The following COLEC11 variants were observed in gnomAD, a reference collection of about 807,000 sequenced individuals.
The protein encoded by COLEC11 is collectin subfamily member 11, also known as collectin-11.
COLEC11 carries 20 observed loss-of-function variants against 27.3 expected under a neutral mutation model. That is an observed-to-expected ratio of 0.73 (90% CI 0.51 to 1.06). COLEC11 has a LOEUF of 1.06. COLEC11 is among the 50% of genes least tolerant of loss of function. The probability of loss-of-function intolerance (pLI) is 0.00; values close to 1 mark genes in which losing one functional copy is unlikely to be tolerated. For missense variants in COLEC11, 310 were observed against 383.0 expected, an observed-to-expected ratio of 0.81 and a Z score of 1.59; for synonymous variants, 163 against 154.7, an observed-to-expected ratio of 1.05 and a Z score of -0.40.
intron 3 of COLEC11, chr2:3,626,201 A>T: frequency 1.0e-6 from 1 of 953,010 alleles, no homozygotes; most frequent in Non-Finnish European, 1.7e-6. Context: ...CTGGAGCAGA[A>T]GCCCCATTTC....
At chr2:3,604,124 G>A (rs933048222) in intron 1 of COLEC11, 191 bp from the exon 2 acceptor site, 2 of 650,946 alleles carry the variant, frequency 3.1e-6, no homozygotes, top group South Asian at 3.6e-5. Flanking sequence ...TGACCCTGGG[G>A]CTGCTGTGGA....
At chr2:3,603,761 G>A (rs72767190) in intron 1 of COLEC11, 13,052 of 1,218,816 alleles carry the variant, frequency 0.011, 111 homozygotes, top group Non-Finnish European at 0.012. Context: ...GGTTCCTAAG[G>A]CCGGGGCTCC....
intron 3 of COLEC11, among the ~76,000 whole-genome samples, chr2:3,626,996 T>G (rs1205992249): frequency 6.6e-6 from 1 of 152,180 alleles, no homozygotes; most frequent in African/African-American, 2.4e-5. Flanking sequence ...CCTGGCCCAC[T>G]GGCTCTTCTG....
At position 3,644,090 on chromosome 2, in the gene COLEC11, T is replaced by C; in HGVS notation, c.788T>C (p.Met263Thr). 6 of 1,613,076 alleles carry C rather than the reference T, an allele frequency of 3.7e-6. No homozygotes were observed. The highest frequency in any genetic ancestry group is 5.1e-6 in the Non-Finnish European group (6 of 1,180,028). ...GCCTGCCACACCACCATGTACTTCA[T>C]GTGTGAGTTTGACAAGGAGAACATG... ...DVACHTTMYF[M>T]CEFDKENM The change falls in exon 7 of 7, where the codon ATG (methionine) becomes ACG (threonine). Residue 263 changes from methionine (M) to threonine (T), a missense_variant. Transcript: ENST00000349077.
In COLEC11 at chr2:3,643,436, C is replaced by G; in HGVS notation, c.329-8C>G. ...AGCGTTTGTAACGCGTGGGCCTGGC[C>G]CCCGCAGGCCTCCCATGTGAGTGCA... is the stretch of plus-strand genomic sequence containing the variant. On this transcript the variant is annotated splice_polypyrimidine_tract_variant and splice_region_variant and intron_variant, in intron 5 of 6. Coordinates refer to ENST00000349077, the MANE Select transcript of COLEC11 (RefSeq NM_024027.5). 2.5e-6 allele frequency: 4 copies of G among 1,612,004 alleles called. No individual in the cohort carries two copies. The highest frequency in any genetic ancestry group is 2.5e-6 in the Non-Finnish European group (3 of 1,178,542).
At chr2:3,631,963 C>G (rs1390725738) in intron 3 of COLEC11, among the ~76,000 whole-genome samples, 1 of 152,192 alleles carries the variant, frequency 6.6e-6, no homozygotes, top group Admixed American at 6.5e-5. Flanking sequence ...GTGGAAGTCT[C>G]ACAGGCTGGG....
Position 3,613,364 on chromosome 2 carries a change from G to A in COLEC11, c.184G>A (p.Gly62Ser), listed in dbSNP as rs1196317336. The stretch of plus-strand genomic sequence containing the variant: ...CGCCCCCGGACGGCCTGGAAGAGTC[G>A]GCCCCACGGGAGAAAAAGGTACCTG... The part of the protein sequence containing the change: ...KGAPGRPGRV[G>S]PTGEKGDMGD... The change falls in exon 3 of 7, where the codon GGC becomes AGC. Residue 62 changes from glycine (G) to serine (S), a missense_variant. Transcript: ENST00000349077. 3.7e-6 allele frequency: 6 copies of A among 1,603,516 alleles called. No individual in the cohort carries two copies. The highest frequency in any genetic ancestry group is 1.3e-5 in the African/African-American group (1 of 74,924).
intron 1 of COLEC11, chr2:3,603,812 T>A (rs1032168435): frequency 1.4e-6 from 1 of 723,610 alleles, no homozygotes; most frequent in African/African-American, 1.8e-5. Flanking sequence ...CAGGTGCCTG[T>A]CTCCTGCCAC....
chr2:3,597,101 G>C (rs1572373131), intron 1 of COLEC11, among the ~76,000 whole-genome samples: 1 of 152,278 alleles, frequency 6.6e-6, no homozygotes, highest in East Asian at 1.9e-4. Flanking sequence ...GGGCTGTTCC[G>C]GGGATCAGTG....
chr2:3,615,904 C>T (rs1182483191), intron 3 of COLEC11, among the ~76,000 whole-genome samples: 3 of 136,614 alleles, frequency 2.2e-5, no homozygotes, highest in Non-Finnish European at 4.8e-5. Flanking sequence ...GGGGGCTGCC[C>T]CCCACCTCCC....
At chr2:3,611,518 G>A (rs775373476) in intron 2 of COLEC11, among the ~76,000 whole-genome samples, 6 of 152,116 alleles carry the variant, frequency 3.9e-5, no homozygotes, top group South Asian at 2.1e-4. Context: ...TTAATGCTGA[G>A]TTTATCTTGT....
intron 1 of COLEC11, chr2:3,603,691 G>A: frequency 6.4e-7 from 1 of 1,550,612 alleles, no homozygotes; most frequent in Non-Finnish European, 8.7e-7. Flanking sequence ...TCCTGGGATG[G>A]TCAGATGTCC....
rs1028472828 is a variant in COLEC11 at position 3,628,253 on chromosome 2, G to A, written c.203-9280G>A. On this transcript the variant is annotated intron_variant, in intron 3 of 6. Coordinates refer to ENST00000349077, the MANE Select transcript of COLEC11 (RefSeq NM_024027.5). ...TCATCCTCCCTTCCCCAGGTGAAGC[G>A]GCTGCCCCGCAGGGTTCTAGAGAGC... Among the ~76,000 whole-genome samples the A allele has an allele frequency of 4.6e-5, 7 of 152,356 alleles. No homozygotes were observed. The South Asian group carries it at 6.2e-4, about 14-fold the overall frequency.
chr2:3,641,103 C>T (rs1256857937), intron 5 of COLEC11: 8 of 475,574 alleles, frequency 1.7e-5, no homozygotes, highest in Non-Finnish European at 2.8e-5. Flanking sequence ...GTAGACCCCA[C>T]GGTGGACACC....
intron 2 of COLEC11, among the ~76,000 whole-genome samples, chr2:3,604,701 C>G: frequency 6.6e-6 from 1 of 152,320 alleles, no homozygotes; most frequent in Middle Eastern, 3.4e-3. Flanking sequence ...TGCAACTCAG[C>G]CCTCTCCGGG....
chr2:3,608,972 G>A (rs1184858364), intron 2 of COLEC11, among the ~76,000 whole-genome samples: 2 of 152,194 alleles, frequency 1.3e-5, no homozygotes, highest in East Asian at 1.9e-4. Context: ...GAGGGCTTAC[G>A]CTGGGTTTTG....
At chr2:3,603,800 G>C (rs1285823535) in intron 1 of COLEC11, 1 of 805,586 alleles carries the variant, frequency 1.2e-6, no homozygotes, top group Non-Finnish European at 2.0e-6. Context: ...ACCGAGGAAG[G>C]CCAGGTGCCT....
intron 1 of COLEC11, chr2:3,604,099 C>G: frequency 1.6e-6 from 1 of 613,302 alleles, no homozygotes; most frequent in Non-Finnish European, 2.9e-6. Flanking sequence ...CTGGCATGCA[C>G]TTGGTGCCTG....
rs1034334521 is a variant in COLEC11, at chr2:3,626,447, C to G, written c.203-11086C>G. Among the ~76,000 whole-genome samples, 3 of 152,348 alleles carry G rather than the reference C, an allele frequency of 2.0e-5. 1 individual carries two copies. The highest frequency in any genetic ancestry group is 2.0e-4 in the Admixed American group (3 of 15,312). On this transcript the variant is annotated intron_variant, in intron 3 of 6. Coordinates refer to ENST00000349077, the MANE Select transcript of COLEC11 (RefSeq NM_024027.5). The stretch of plus-strand genomic sequence containing the variant: ...TGGGGGGTGGGGGGTGGGGATCTAC[C>G]TCCCATGACTCCCAGAAGGGTTAAA...
Sources: allele counts gnomAD v4.1 joint callset (sites outside exome capture counted in the v4.1 genomes callset), GRCh38; gene constraint gnomAD v4.1.1; transcripts MANE v1.5; gene names NCBI Gene and HGNC (gene_info 2026-07-23, HGNC 2026-07-21).